Variants in KPNA6 observed in about 807,000 individuals in gnomAD.
The protein encoded by KPNA6 is karyopherin subunit alpha 6, also known as importin subunit alpha-7.
KPNA6 carries 9 observed loss-of-function variants against 72.0 expected under a neutral mutation model. That is an observed-to-expected ratio of 0.13 (90% CI 0.08 to 0.22). KPNA6 has a LOEUF of 0.22. KPNA6 is among the 10% of genes least tolerant of loss of function. The probability of loss-of-function intolerance (pLI) is 1.00; values close to 1 mark genes in which losing one functional copy is unlikely to be tolerated. For missense variants in KPNA6, 374 were observed against 655.7 expected, an observed-to-expected ratio of 0.57 and a Z score of 4.69; for synonymous variants, 219 against 242.1, an observed-to-expected ratio of 0.90 and a Z score of 0.89.
At chr1:32,109,442 GA>G (rs1641204848) in intron 1 of KPNA6, among the ~76,000 whole-genome samples, 1 of 151,940 alleles carries the variant, frequency 6.6e-6, no homozygotes, top group African/African-American at 2.4e-5. Flanking sequence ...AAAGTGCTGG[GA>G]TTACAGGTGT....
intron 1 of KPNA6, among the ~76,000 whole-genome samples, chr1:32,140,450 A>C (rs185374534): frequency 6.6e-6 from 1 of 152,306 alleles, no homozygotes; most frequent in East Asian, 1.9e-4. Context: ...GCGAAGTGCC[A>C]AGTGATGACA....
rs762717593 is a variant in KPNA6 at position 32,163,274 on chromosome 1, C to T, written c.951C>T (p.Ala317=). 1.7e-5 allele frequency: 27 copies of T among 1,613,244 alleles called. No homozygotes were observed. The highest frequency in any genetic ancestry group is 5.5e-5 in the South Asian group (5 of 90,908). The part of the protein sequence containing the change: ...DYKVASPALR[A]VGNIVTGDDI... ...AAGTGGCTTCTCCTGCCCTGAGAGC[C>T]GTGGGTAACATCGTCACTGGGGATG... is the stretch of plus-strand genomic sequence containing the variant. The change falls in exon 10 of 14, where the codon GCC becomes GCT. Residue 317 remains alanine (A), a synonymous_variant. Transcript: ENST00000373625.
chr1:32,158,629 ATTCT>A (rs1354695108), intron 5 of KPNA6, among the ~76,000 whole-genome samples: 3 of 152,104 alleles, frequency 2.0e-5, no homozygotes, highest in African/African-American at 7.2e-5. Flanking sequence ...GGTCTTATTA[ATTCT>A]TTCTGGGTTT....
At chr1:32,116,975 A>T (rs750107931) in intron 1 of KPNA6, among the ~76,000 whole-genome samples, 3 of 152,184 alleles carry the variant, frequency 2.0e-5, no homozygotes, top group Admixed American at 1.3e-4. Flanking sequence ...ACCATGGCTC[A>T]TGGCACCCCA....
intron 1 of KPNA6, among the ~76,000 whole-genome samples, chr1:32,113,613 C>T (rs552601505): frequency 1.3e-3 from 195 of 152,136 alleles, no homozygotes; most frequent in African/African-American, 4.4e-3. Flanking sequence ...CCACCATGCC[C>T]GGCTAATTTT....
At chr1:32,115,883 A>G (rs1557455064) in intron 1 of KPNA6, among the ~76,000 whole-genome samples, 1 of 151,710 alleles carries the variant, frequency 6.6e-6, no homozygotes, top group African/African-American at 2.4e-5. Flanking sequence ...AGCCAGGATA[A>G]CAGGTGCCCG....
intron 1 of KPNA6, among the ~76,000 whole-genome samples, chr1:32,121,326 A>T (rs1206435729): frequency 6.6e-6 from 1 of 152,178 alleles, no homozygotes; most frequent in Non-Finnish European, 1.5e-5. Flanking sequence ...GGGAAAAAAA[A>T]TTAAGCATGA....
intron 1 of KPNA6, among the ~76,000 whole-genome samples, chr1:32,136,248 C>T (rs1641734473): frequency 6.8e-6 from 1 of 147,962 alleles, no homozygotes; most frequent in Admixed American, 7.0e-5. Context: ...GTGATCTTGG[C>T]TCACTGAAAC....
intron 1 of KPNA6, among the ~76,000 whole-genome samples, chr1:32,121,799 C>G (rs1280513938): frequency 6.6e-6 from 1 of 151,254 alleles, no homozygotes; most frequent in African/African-American, 2.4e-5. Context: ...ATGGTGAAAC[C>G]CCAGATCTAC....
Position 32,170,772 on chromosome 1 carries a change from C to T in KPNA6, c.1489C>T (p.Leu497Phe). The T allele has an allele frequency of 6.2e-7, 1 of 1,614,228 alleles. No individual in the cohort carries two copies. Among genetic ancestry groups the T allele is most frequent in the Non-Finnish European group, 8.5e-7 (1 of 1,180,034 alleles). ...NQEIYQKAFDLIEHYFGVEDD... is the reference protein window; with the variant it reads ...NQEIYQKAFDFIEHYFGVEDD... ...GGAGATCTACCAGAAGGCCTTCGAC[C>T]TCATTGAGCACTACTTTGGTGTAGA... is the stretch of plus-strand genomic sequence containing the variant. Residue 497 changes from leucine (L) to phenylalanine (F), a missense_variant, in exon 14 of 14, where the codon CTC becomes TTC. Physicochemically the swap from Leu to Phe is conservative, Grantham distance 22. Transcript: ENST00000373625.
chr1:32,108,424 C>A (rs1012619843), intron 1 of KPNA6, among the ~76,000 whole-genome samples: 1 of 152,250 alleles, frequency 6.6e-6, no homozygotes, highest in African/African-American at 2.4e-5. Context: ...AGAAAGGGGC[C>A]TACTCTCTGT....
chr1:32,119,761 T>G (rs1569994382), intron 1 of KPNA6, among the ~76,000 whole-genome samples: 1 of 139,160 alleles, frequency 7.2e-6, no homozygotes, highest in Non-Finnish European at 1.5e-5. Context: ...TTTTTTTTTT[T>G]TGAGATGGGG....
intron 1 of KPNA6, among the ~76,000 whole-genome samples, chr1:32,125,979 T>TAAAAAA (rs75504815): frequency 2.8e-4 from 28 of 98,974 alleles, no homozygotes; most frequent in Admixed American, 1.9e-3. Flanking sequence ...CTATATTTAC[T>TAAAAAA]AAAAAAAAAA....
chr1:32,154,102 G>A (rs189566483), intron 1 of KPNA6, among the ~76,000 whole-genome samples: 3 of 151,972 alleles, frequency 2.0e-5, no homozygotes, highest in South Asian at 2.1e-4. Flanking sequence ...AGTCGATACC[G>A]TGCCACTGCA....
rs117494804 is a variant in KPNA6, at chr1:32,115,581, C to G, written c.4+7447C>G. The stretch of plus-strand genomic sequence containing the variant: ...AGCTGGGGACTACAGGTGTGTGCCA[C>G]CACACTCAGCCAATTTTAAATTTTT... On this transcript the variant is annotated intron_variant, in intron 1 of 13. Coordinates refer to ENST00000373625, the MANE Select transcript of KPNA6 (RefSeq NM_012316.5). Among the ~76,000 whole-genome samples, 4 of 152,156 alleles carry G rather than the reference C, an allele frequency of 2.6e-5. No individual in the cohort carries two copies. The East Asian group carries it at 7.7e-4, about 29-fold the overall frequency.
At chr1:32,149,962 C>T (rs1421943995) in intron 1 of KPNA6, among the ~76,000 whole-genome samples, 1 of 151,914 alleles carries the variant, frequency 6.6e-6, no homozygotes, top group South Asian at 2.1e-4. Context: ...CCATTCTTAT[C>T]TTTGGTCTTA....
intron 13 of KPNA6, 145 bp downstream of exon 13, chr1:32,170,205 G>C (rs1557488013): frequency 5.7e-6 from 4 of 696,434 alleles, no homozygotes; most frequent in Non-Finnish European, 9.3e-6. Context: ...GAACAGTTAA[G>C]AGCTCCTGCC....
At position 32,171,000 on chromosome 1, in the gene KPNA6, C is replaced by T; in HGVS notation, c.*106C>T. On this transcript the variant is annotated 3_prime_UTR_variant, in exon 14 of 14. Coordinates refer to ENST00000373625, the MANE Select transcript of KPNA6 (RefSeq NM_012316.5). ...TGTCCCCACCATCAGCCACCACACA[C>T]CTCTGCTGCCCTGGAGACTGTGCTC... 3 of 941,398 alleles carry T rather than the reference C, an allele frequency of 3.2e-6. No homozygotes were observed. Among genetic ancestry groups the T allele is most frequent in the Admixed American group, 4.1e-5 (2 of 48,742 alleles). The allele number at this position is 941,398 out of a possible 1,614,324, so 58.3% of individuals were successfully genotyped here. A position where few individuals can be genotyped will look rare whatever the true frequency, so the allele number is the denominator to read the frequency against.
At chr1:32,151,216 G>A (rs2124047792) in intron 1 of KPNA6, among the ~76,000 whole-genome samples, 1 of 152,220 alleles carries the variant, frequency 6.6e-6, no homozygotes, top group South Asian at 2.1e-4. Flanking sequence ...AGCAGTGTAA[G>A]GCTCGTTTTT....
Sources: allele counts gnomAD v4.1 joint callset (sites outside exome capture counted in the v4.1 genomes callset), GRCh38; gene constraint gnomAD v4.1.1; transcripts MANE v1.5; gene names NCBI Gene and HGNC (gene_info 2026-07-23, HGNC 2026-07-21).